Variants in RNF150 observed in about 807,000 individuals in gnomAD.
RNF150 encodes ring finger protein 150.
Under a neutral mutation model 39.3 loss-of-function variants are expected in RNF150, and 24 were observed. That is an observed-to-expected ratio of 0.61 (90% CI 0.44 to 0.86). RNF150 has a LOEUF of 0.86. Ranked by LOEUF, RNF150 falls within the 40% of genes least tolerant of loss-of-function variation. The pLI, the probability that RNF150 is intolerant of heterozygous loss-of-function variation, is 0.00. For missense variants in RNF150, 502 were observed against 587.8 expected (o/e 0.85, Z 1.51); for synonymous variants, 255 against 227.3 (o/e 1.12, Z -1.10).
intron 1 of RNF150, among the ~76,000 whole-genome samples, chr4:141,211,219 C>T (rs1034774595): frequency 6.6e-6 from 1 of 151,984 alleles, no homozygotes; most frequent in South Asian, 2.1e-4. Context: ...GTCTAAATAA[C>T]TTTAAGTAGG....
intron 1 of RNF150, among the ~76,000 whole-genome samples, chr4:141,111,992 T>G (rs1325054803): frequency 6.6e-6 from 1 of 152,162 alleles, no homozygotes; most frequent in Non-Finnish European, 1.5e-5. Context: ...AAACTAAAAA[T>G]AATATTTAGT....
At chr4:141,057,271 T>A (rs1447409785) in intron 1 of RNF150, among the ~76,000 whole-genome samples, 1 of 151,820 alleles carries the variant, frequency 6.6e-6, no homozygotes, top group East Asian at 1.9e-4. Flanking sequence ...ATGTAATAGG[T>A]TATATCTAAA....
rs780593166 is a variant in RNF150, at chr4:140,967,679, GC to G, written c.678del (p.Trp226CysfsTer85). 6.2e-7 allele frequency: 1 copy of G among 1,613,292 alleles called. No homozygotes were observed. Among genetic ancestry groups the G allele is most frequent in the South Asian group, 1.1e-5 (1 of 91,046 alleles). ...AACCTCTGGATGTAATAAAAGACGAGCCATGCGAGGGAAATGATCATCAGGA... is the reference window on the plus strand; with the variant it reads ...AACCTCTGGATGTAATAAAAGACGAGCATGCGAGGGAAATGATCATCAGGA... ...FIVLMIISLA[W>X]LVFYYIQRFR... On this transcript the variant is annotated frameshift_variant, in exon 2 of 7. Coordinates refer to ENST00000515673, the MANE Select transcript of RNF150 (RefSeq NM_020724.2). LOFTEE classifies it high-confidence loss of function.
At chr4:140,908,328 C>T (rs1029633663) in intron 6 of RNF150, among the ~76,000 whole-genome samples, 6 of 152,076 alleles carry the variant, frequency 3.9e-5, no homozygotes, top group African/African-American at 1.4e-4. Context: ...AACAAATAAC[C>T]AGAGTGTTCA....
At chr4:140,915,442 C>T (rs1434741808) in intron 5 of RNF150, among the ~76,000 whole-genome samples, 1 of 152,152 alleles carries the variant, frequency 6.6e-6, no homozygotes, top group Non-Finnish European at 1.5e-5. Context: ...TGAAGGGGAA[C>T]AAAATCCAAA....
At chr4:140,874,422 T>C (rs1729067562) in intron 6 of RNF150, among the ~76,000 whole-genome samples, 1 of 152,222 alleles carries the variant, frequency 6.6e-6, no homozygotes, top group African/African-American at 2.4e-5. Flanking sequence ...CATTTCTTCA[T>C]AAAGAGGAGG....
In RNF150 at chr4:140,861,894, G is replaced by A. The variant is rs1209705643; in HGVS notation, c.*6367C>T. The A allele has an allele frequency of 6.6e-6, 1 of 152,146 alleles. No individual in the cohort carries two copies. Among genetic ancestry groups the A allele is most frequent in the African/African-American group, 2.4e-5 (1 of 41,438 alleles). 9.4% of individuals were successfully genotyped at this position (152,146 alleles called of 1,614,324 possible). ...TACTAAGGCCACAATTCATTTTTTA[G>A]ATTTCGGGATTTAGTAAGGTCAATC... On this transcript the variant is annotated 3_prime_UTR_variant, in exon 7 of 7. Coordinates refer to ENST00000515673, the MANE Select transcript of RNF150 (RefSeq NM_020724.2).
intron 1 of RNF150, among the ~76,000 whole-genome samples, chr4:140,988,016 T>C (rs946477655): frequency 7.2e-5 from 11 of 152,154 alleles, no homozygotes; most frequent in Non-Finnish European, 1.0e-4. Context: ...TCATCATCAC[T>C]GATCATTAGA....
At chr4:141,043,032 T>C (rs564316748) in intron 1 of RNF150, among the ~76,000 whole-genome samples, 27 of 152,268 alleles carry the variant, frequency 1.8e-4, no homozygotes, top group African/African-American at 6.5e-4. Context: ...TAACATGTAT[T>C]TCAGTGATCA....
intron 1 of RNF150, among the ~76,000 whole-genome samples, chr4:141,007,542 G>T (rs1734920242): frequency 6.6e-6 from 1 of 152,112 alleles, no homozygotes; most frequent in Non-Finnish European, 1.5e-5. Context: ...GTAATCTCGG[G>T]CACTTGAAAG....
rs1560962313 is a variant in RNF150, at chr4:140,912,959, T to TAG, written c.988-1606_988-1605insCT. Among the ~76,000 whole-genome samples the TAG allele has an allele frequency of 4.1e-4, 57 of 138,126 alleles. 7 individuals carry two copies. Among genetic ancestry groups the TAG allele is most frequent in the Admixed American group, 4.9e-4 (7 of 14,296 alleles). The allele number at this position is 138,126 out of a possible 152,430, so 90.6% of individuals were successfully genotyped here. ...CAGTCTGCACTCTCTCATCAGAACATAAAAAAAAAAAAAAAAAAAAAAAAA... is the reference window on the plus strand; with the variant it reads ...CAGTCTGCACTCTCTCATCAGAACATAGAAAAAAAAAAAAAAAAAAAAAAAAA... On this transcript the variant is annotated intron_variant, in intron 5 of 6. Coordinates refer to ENST00000515673, the MANE Select transcript of RNF150 (RefSeq NM_020724.2).
At chr4:141,058,271 G>A (rs1490594213) in intron 1 of RNF150, among the ~76,000 whole-genome samples, 5 of 151,990 alleles carry the variant, frequency 3.3e-5, no homozygotes, top group South Asian at 2.1e-4. Context: ...GGGTGGAAGG[G>A]GAGGAGAAAG....
At chr4:140,992,496 A>C (rs1734228745) in intron 1 of RNF150, among the ~76,000 whole-genome samples, 1 of 152,186 alleles carries the variant, frequency 6.6e-6, no homozygotes, top group South Asian at 2.1e-4. Context: ...GGGAGACATA[A>C]AGGAGGTGGC....
chr4:140,868,911 G>T (rs1728824317), intron 6 of RNF150, among the ~76,000 whole-genome samples: 1 of 151,774 alleles, frequency 6.6e-6, no homozygotes, highest in Non-Finnish European at 1.5e-5. Context: ...ATAAATATAA[G>T]GTAAAAATAA....
At chr4:140,934,101 C>T (rs1731748310) in intron 4 of RNF150, among the ~76,000 whole-genome samples, 1 of 152,200 alleles carries the variant, frequency 6.6e-6, no homozygotes, top group African/African-American at 2.4e-5. Context: ...ACCTCCGCCT[C>T]CCAGGTTCAA....
At chr4:140,976,477 G>A (rs1160016617) in intron 1 of RNF150, among the ~76,000 whole-genome samples, 1 of 151,788 alleles carries the variant, frequency 6.6e-6, no homozygotes, top group Non-Finnish European at 1.5e-5. Context: ...CCTCCCTGTT[G>A]ACCTTTGCCT....
chr4:140,936,611 G>A (rs982396189), intron 4 of RNF150, among the ~76,000 whole-genome samples: 35 of 151,896 alleles, frequency 2.3e-4, no homozygotes, highest in Admixed American at 6.6e-4. Flanking sequence ...CACAAAATTC[G>A]TTAATTTTAT....
chr4:140,939,903 GTCTA>G (rs1732016823), intron 4 of RNF150, among the ~76,000 whole-genome samples: 1 of 152,148 alleles, frequency 6.6e-6, no homozygotes, highest in African/African-American at 2.4e-5. Context: ...TGTTGAATAT[GTCTA>G]TCTCTCTATG....
chr4:141,151,409 GACACAC>G (rs869289733), intron 1 of RNF150, among the ~76,000 whole-genome samples: 1,943 of 121,960 alleles, frequency 0.016, 31 homozygotes, highest in African/African-American at 0.054. Context: ...CATCTCTACA[GACACAC>G]ACACACACAC....
Sources: gnomAD v4.1 joint callset for allele counts (sites outside exome capture counted in the v4.1 genomes callset) on GRCh38, gnomAD v4.1.1 for gene constraint, MANE v1.5 for transcripts, NCBI Gene and HGNC (gene_info 2026-07-23, HGNC 2026-07-21) for gene names.